Variants in TMEM244 observed in about 807,000 individuals in gnomAD.
The protein encoded by TMEM244 is putative transmembrane protein 244.
In TMEM244, 13 loss-of-function variants were observed where a neutral mutation model predicts 15.8. The ratio of observed to expected loss-of-function variants is 0.82; its 90% confidence interval spans 0.53 to 1.30. The LOEUF (loss-of-function observed/expected upper bound fraction) is 1.30, where lower values mean the gene tolerates loss of function less well. Among genes scored for constraint, TMEM244 ranks in the 50% most tolerant of loss-of-function variants. The probability of loss-of-function intolerance (pLI) is 0.00; values close to 1 mark genes in which losing one functional copy is unlikely to be tolerated. For synonymous variants in TMEM244, 45 were observed against 48.7 expected (o/e 0.92, Z 0.32); for missense variants, 161 against 144.9 (o/e 1.11, Z -0.57).
At chr6:129,855,046 A>G (rs982707259) in intron 1 of TMEM244, among the ~76,000 whole-genome samples, 22 of 152,206 alleles carry the variant, frequency 1.4e-4, no homozygotes, top group African/African-American at 5.3e-4. Context: ...TACTGGGGAT[A>G]TAGGAACTGG....
rs7776426 is a variant in TMEM244 at position 129,831,375 on chromosome 6, A to T, written c.331T>A (p.Phe111Ile). 6.4e-7 allele frequency: 1 copy of T among 1,561,354 alleles called. No homozygotes were observed. The highest frequency in any genetic ancestry group is 8.8e-7 in the Non-Finnish European group (1 of 1,131,788). The change falls in exon 5 of 5, where the codon TTC becomes ATC. Residue 111 changes from phenylalanine (F) to isoleucine (I), a missense_variant. Coordinates refer to ENST00000368143, the MANE Select transcript of TMEM244 (RefSeq NM_001010876.2). ...VAITSTVMLEFPLTSHWWAAL... is the reference protein window; with the variant it reads ...VAITSTVMLEIPLTSHWWAAL... ...GCCCACCAATGTGATGTCAAGGGGAATTCCAACATAACTGCAATAGAAAAA... is the reference window on the plus strand; with the variant it reads ...GCCCACCAATGTGATGTCAAGGGGATTTCCAACATAACTGCAATAGAAAAA...
intron 3 of TMEM244, among the ~76,000 whole-genome samples, chr6:129,834,589 A>G (rs6932891): frequency 0.37 from 56,059 of 152,008 alleles, 10,779 homozygotes; most frequent in South Asian, 0.5. Context: ...GGTAAGCGAG[A>G]CACCAAGGAA....
chr6:129,831,570 C>T (rs1294294039), intron 4 of TMEM244, among the ~76,000 whole-genome samples, 184 bp from the exon 5 acceptor site: 1 of 152,160 alleles, frequency 6.6e-6, no homozygotes, highest in African/African-American at 2.4e-5. Flanking sequence ...TAAGTCAAAC[C>T]TTTACAACTC....
At chr6:129,837,697 G>A (rs748758238) in intron 3 of TMEM244, among the ~76,000 whole-genome samples, 8 of 152,022 alleles carry the variant, frequency 5.3e-5, no homozygotes, top group Non-Finnish European at 7.4e-5. Flanking sequence ...GTGCAAAGAC[G>A]CACATAGGCT....
chr6:129,841,729 G>A (rs373370822), intron 3 of TMEM244, among the ~76,000 whole-genome samples: 1 of 152,104 alleles, frequency 6.6e-6, no homozygotes, highest in Non-Finnish European at 1.5e-5. Flanking sequence ...TATTCTCTGC[G>A]ATGCAAAGGA....
chr6:129,843,705 G>A (rs1004495879), intron 2 of TMEM244, 102 bp from the exon 3 acceptor site: 4 of 805,988 alleles, frequency 5.0e-6, no homozygotes, highest in Non-Finnish European at 8.0e-6. Context: ...GATAAGCTAT[G>A]CGATTCACCC....
intron 2 of TMEM244, among the ~76,000 whole-genome samples, chr6:129,844,192 A>G (rs770014377): frequency 6.6e-6 from 1 of 152,212 alleles, no homozygotes; most frequent in Admixed American, 6.5e-5. Context: ...GAGTTTTTAA[A>G]AACTGGCTGA....
chr6:129,851,383 C>A (rs948571766), intron 1 of TMEM244, among the ~76,000 whole-genome samples: 1 of 152,166 alleles, frequency 6.6e-6, no homozygotes, highest in African/African-American at 2.4e-5. Flanking sequence ...ATTCTCCTGC[C>A]TCAACCTCCC....
intron 3 of TMEM244, among the ~76,000 whole-genome samples, chr6:129,837,850 T>A (rs980172042): frequency 1.3e-5 from 2 of 152,152 alleles, no homozygotes; most frequent in African/African-American, 4.8e-5. Flanking sequence ...GCTAAAGGGA[T>A]CAATTCAACA....
At chr6:129,832,093 C>CT (rs1177577598) in intron 4 of TMEM244, among the ~76,000 whole-genome samples, 21,763 of 114,110 alleles carry the variant, frequency 0.19, 2,471 homozygotes, top group Non-Finnish European at 0.24. Context: ...ACAGATTGTA[C>CT]TTTTTTTTTT....
intron 3 of TMEM244, among the ~76,000 whole-genome samples, chr6:129,840,470 A>T (rs572454290): frequency 6.6e-6 from 1 of 152,358 alleles, no homozygotes; most frequent in South Asian, 2.1e-4. Context: ...TAACACCATA[A>T]AAACCCTAGA....
intron 4 of TMEM244, 140 bp downstream of exon 4, chr6:129,833,320 G>T: frequency 1.0e-6 from 1 of 995,940 alleles, no homozygotes; most frequent in Non-Finnish European, 1.3e-6. Context: ...AAAGAGGGAT[G>T]AAGACCTTTC....
At chr6:129,846,787 C>G (rs1048769443) in intron 1 of TMEM244, among the ~76,000 whole-genome samples, 7 of 152,062 alleles carry the variant, frequency 4.6e-5, no homozygotes, top group Non-Finnish European at 7.4e-5. Context: ...ATAATTAAAC[C>G]TCTATGCAAG....
intron 3 of TMEM244, among the ~76,000 whole-genome samples, chr6:129,838,481 C>A (rs1001792138): frequency 6.6e-6 from 1 of 152,048 alleles, no homozygotes; most frequent in Non-Finnish European, 1.5e-5. Flanking sequence ...CAAGAGAAAG[C>A]AGGAAAGAGC....
chr6:129,848,297 C>G (rs1776589140), intron 1 of TMEM244, among the ~76,000 whole-genome samples: 1 of 152,174 alleles, frequency 6.6e-6, no homozygotes, highest in Admixed American at 6.5e-5. Flanking sequence ...GAATAAAAAT[C>G]CTTCCAGAAG....
intron 3 of TMEM244, among the ~76,000 whole-genome samples, chr6:129,836,672 C>G (rs1776413175): frequency 6.6e-6 from 1 of 151,986 alleles, no homozygotes; most frequent in Non-Finnish European, 1.5e-5. Context: ...AAGCTAAAAA[C>G]CTTGAAAAAA....
chr6:129,832,465 A>C (rs977957216), intron 4 of TMEM244, among the ~76,000 whole-genome samples: 4 of 152,168 alleles, frequency 2.6e-5, no homozygotes, highest in African/African-American at 7.2e-5. Context: ...GACAGTCATA[A>C]ATAATAATAA....
intron 1 of TMEM244, among the ~76,000 whole-genome samples, chr6:129,847,775 CT>C (rs34238013): frequency 0.14 from 19,033 of 137,300 alleles, 1,310 homozygotes; most frequent in African/African-American, 0.21. Flanking sequence ...TTTCTTTTTT[CT>C]TTTTTTTTTT....
intron 3 of TMEM244, among the ~76,000 whole-genome samples, chr6:129,840,693 A>G (rs2114636696): frequency 6.6e-6 from 1 of 152,374 alleles, no homozygotes; most frequent in African/African-American, 2.4e-5. Context: ...GACAAGGCTA[A>G]TATCCAGAAT....
Sources: allele counts gnomAD v4.1 joint callset (sites outside exome capture counted in the v4.1 genomes callset), GRCh38; gene constraint gnomAD v4.1.1; transcripts MANE v1.5; gene names NCBI Gene and HGNC (gene_info 2026-07-23, HGNC 2026-07-21).